DOCK9: variants seen among roughly 807,000 people sequenced by gnomAD.
The protein encoded by DOCK9 is dedicator of cytokinesis protein 9.
Under a neutral mutation model 263.3 loss-of-function variants are expected in DOCK9, and 89 were observed. The observed-to-expected ratio is 0.34, with a 90% CI of 0.28 to 0.40. The LOEUF (loss-of-function observed/expected upper bound fraction) is 0.40, where lower values mean the gene tolerates loss of function less well. Ranked by LOEUF, DOCK9 falls within the 10% of genes least tolerant of loss-of-function variation. The probability of loss-of-function intolerance (pLI) is 1.00; values close to 1 mark genes in which losing one functional copy is unlikely to be tolerated. For synonymous variants in DOCK9, 976 were observed against 973.1 expected, an observed-to-expected ratio of 1.00 and a Z score of -0.06; for missense variants, 2,140 against 2,603.4, an observed-to-expected ratio of 0.82 and a Z score of 3.87.
chr13:98,923,421 G>C (rs1834850641), intron 4 of DOCK9, 50 bp from the exon 5 acceptor site: 1 of 1,499,266 alleles, frequency 6.7e-7, no homozygotes, highest in African/African-American at 1.4e-5. Context: ...AGTCAAGGAA[G>C]AGGCTTTGCA....
At chr13:98,964,248 T>C (rs2058973997) in intron 1 of DOCK9, among the ~76,000 whole-genome samples, 1 of 152,174 alleles carries the variant, frequency 6.6e-6, no homozygotes, top group Admixed American at 6.5e-5. Context: ...CCAGCTAGAT[T>C]ATAAGCTCCA....
At chr13:98,996,288 C>CA (rs1271935902) in intron 1 of DOCK9, among the ~76,000 whole-genome samples, 2 of 152,206 alleles carry the variant, frequency 1.3e-5, no homozygotes, top group Non-Finnish European at 2.9e-5. Flanking sequence ...CCTTCTCACT[C>CA]ACAGTGTCCA....
intron 38 of DOCK9, among the ~76,000 whole-genome samples, chr13:98,843,162 T>C (rs991558919): frequency 2.0e-5 from 3 of 152,182 alleles, no homozygotes; most frequent in Non-Finnish European, 2.9e-5. Context: ...ACTCTTCCTA[T>C]TTTTATTCTC....
chr13:98,894,421 T>A (rs2047072526), intron 15 of DOCK9, among the ~76,000 whole-genome samples: 1 of 152,196 alleles, frequency 6.6e-6, no homozygotes, highest in Non-Finnish European at 1.5e-5. Context: ...TATCTTTCCA[T>A]CTAGATAGCT....
intron 52 of DOCK9, among the ~76,000 whole-genome samples, chr13:98,795,141 G>A (rs898743536): frequency 7.9e-5 from 12 of 152,348 alleles, no homozygotes; most frequent in African/African-American, 2.9e-4. Flanking sequence ...ACGCTCACCA[G>A]ATCATAAGGC....
At chr13:99,076,355 T>C (rs905694450) in intron 1 of DOCK9, among the ~76,000 whole-genome samples, 3 of 152,206 alleles carry the variant, frequency 2.0e-5, no homozygotes, top group African/African-American at 7.2e-5. Flanking sequence ...TGGAGCTCTA[T>C]GGAATTGGTG....
chr13:98,814,978 A>ATAACATAACATAACATAACATTAC (rs2091708453), intron 45 of DOCK9, among the ~76,000 whole-genome samples: 1 of 99,050 alleles, frequency 1.0e-5, no homozygotes. Flanking sequence ...AATAAAATAA[A>ATAACATAACATAACATAACATTAC]ATAAAATAAA....
intron 13 of DOCK9, among the ~76,000 whole-genome samples, chr13:98,900,396 T>C (rs1429273115): frequency 6.6e-6 from 1 of 152,162 alleles, no homozygotes; most frequent in Non-Finnish European, 1.5e-5. Flanking sequence ...TCATTGATTA[T>C]TGATCAAAAC....
chr13:98,846,860 G>A (rs2093408806), intron 37 of DOCK9: 1 of 334,998 alleles, frequency 3.0e-6, no homozygotes, highest in Admixed American at 4.4e-5. Context: ...TCACAGTCTA[G>A]TTCAGGATCT....
At chr13:98,898,348 A>T in intron 13 of DOCK9, 87 bp from the exon 14 acceptor site, 1 of 961,460 alleles carries the variant, frequency 1.0e-6, no homozygotes, top group Non-Finnish European at 1.6e-6. Flanking sequence ...TGCTCACTAA[A>T]TAAGTCCTTA....
intron 1 of DOCK9, among the ~76,000 whole-genome samples, chr13:99,050,471 G>T (rs1319427446): frequency 1.3e-5 from 2 of 152,124 alleles, no homozygotes; most frequent in East Asian, 3.9e-4. Context: ...GAGGTGGGTG[G>T]ATCACGAGGT....
intron 2 of DOCK9, among the ~76,000 whole-genome samples, chr13:98,934,304 G>A (rs1406301781): frequency 6.6e-6 from 1 of 152,132 alleles, no homozygotes; most frequent in Admixed American, 6.6e-5. Context: ...ATGGTGACAG[G>A]AAGTACAAGG....
At chr13:98,840,751 C>T (rs1159406500) in intron 38 of DOCK9, among the ~76,000 whole-genome samples, 3 of 152,120 alleles carry the variant, frequency 2.0e-5, no homozygotes, top group Non-Finnish European at 4.4e-5. Flanking sequence ...AGACGTATTC[C>T]TATAGGGGGC....
At chr13:98,907,491 A>G (rs1160103137) in intron 9 of DOCK9, among the ~76,000 whole-genome samples, 2 of 152,260 alleles carry the variant, frequency 1.3e-5, no homozygotes, top group African/African-American at 2.4e-5. Flanking sequence ...CAGACACAAT[A>G]AAAGAAAAAC....
chr13:98,905,913 A>G (rs1382199779), intron 9 of DOCK9, among the ~76,000 whole-genome samples: 2 of 152,174 alleles, frequency 1.3e-5, no homozygotes, highest in Admixed American at 6.5e-5. Context: ...GTTAAAAAGG[A>G]TAAGACCCAG....
At chr13:98,954,066 G>T (rs2031500329) in intron 2 of DOCK9, among the ~76,000 whole-genome samples, 1 of 152,102 alleles carries the variant, frequency 6.6e-6, no homozygotes, top group Admixed American at 6.5e-5. Flanking sequence ...TATTAACATG[G>T]AAGTTTCTAA....
At chr13:98,889,502 T>C (rs1304553935) in intron 15 of DOCK9, among the ~76,000 whole-genome samples, 1 of 152,230 alleles carries the variant, frequency 6.6e-6, no homozygotes, top group Non-Finnish European at 1.5e-5. Flanking sequence ...CTGAAATTGT[T>C]GTATTAATAT....
intron 3 of DOCK9, among the ~76,000 whole-genome samples, chr13:98,928,574 A>C (rs1461830724): frequency 6.6e-6 from 1 of 152,228 alleles, no homozygotes; most frequent in Non-Finnish European, 1.5e-5. Flanking sequence ...GCAATTAATA[A>C]TTTTGCCACA....
At chr13:98,938,989 T>C (rs1342579786) in intron 2 of DOCK9, among the ~76,000 whole-genome samples, 1 of 152,204 alleles carries the variant, frequency 6.6e-6, no homozygotes, top group Non-Finnish European at 1.5e-5. Context: ...TGCAGAGAGC[T>C]GGGAGTGTCC....
Sources: gnomAD v4.1 joint callset for allele counts (sites outside exome capture counted in the v4.1 genomes callset) on GRCh38, gnomAD v4.1.1 for gene constraint, MANE v1.5 for transcripts, NCBI Gene and HGNC (gene_info 2026-07-23, HGNC 2026-07-21) for gene names.